The following ELAVL2 variants were observed in gnomAD, a reference collection of about 807,000 sequenced individuals.
ELAVL2 encodes the protein ELAV like RNA binding protein 2.
Under a neutral mutation model 34.6 loss-of-function variants are expected in ELAVL2, and 4 were observed. That is an observed-to-expected ratio of 0.12 (90% CI 0.06 to 0.26). The LOEUF is 0.26. ELAVL2 is among the 10% of genes least tolerant of loss of function. The probability of loss-of-function intolerance (pLI) is 1.00; values close to 1 mark genes in which losing one functional copy is unlikely to be tolerated. For missense variants in ELAVL2, 432 were observed against 442.8 expected (o/e 0.98, Z 0.22); for synonymous variants, 193 against 154.8 (o/e 1.25, Z -1.83).
At chr9:23,821,603 G>T (rs912241413) in intron 1 of ELAVL2, 1 of 152,516 alleles carries the variant, frequency 6.6e-6, no homozygotes, top group South Asian at 2.1e-4. Context: ...CCCAGCACTT[G>T]CCTGCTGTGA....
intron 1 of ELAVL2, among the ~76,000 whole-genome samples, chr9:23,762,794 G>A (rs2055338964): frequency 6.6e-6 from 1 of 152,104 alleles, no homozygotes; most frequent in African/African-American, 2.4e-5. Context: ...GTACTGTTTT[G>A]GTTACATATT....
At chr9:23,728,050 G>A (rs1022068331) in intron 3 of ELAVL2, among the ~76,000 whole-genome samples, 8 of 151,918 alleles carry the variant, frequency 5.3e-5, no homozygotes, top group African/African-American at 1.9e-4. Context: ...TTGATATAAC[G>A]ATCAGAAGAC....
intron 5 of ELAVL2, among the ~76,000 whole-genome samples, chr9:23,700,200 T>C (rs1340273333): frequency 6.6e-6 from 1 of 152,192 alleles, no homozygotes; most frequent in African/African-American, 2.4e-5. Context: ...TAAATAAAAT[T>C]GATATGCACT....
At chr9:23,822,003 C>T (rs1295410076) in intron 1 of ELAVL2, among the ~76,000 whole-genome samples, 1 of 151,672 alleles carries the variant, frequency 6.6e-6, no homozygotes, top group Non-Finnish European at 1.5e-5. Context: ...CAGCTCAGCT[C>T]CGTCCCTCCG....
upstream of ELAVL2, chr9:23,826,365 T>C (rs924727597): frequency 3.9e-5 from 6 of 152,388 alleles, no homozygotes; most frequent in African/African-American, 1.4e-4. Context: ...CGCGGAAGTA[T>C]ACGCCGAATC....
chr9:23,821,925 C>A (rs956506146), intron 1 of ELAVL2: 1 of 151,278 alleles, frequency 6.6e-6, no homozygotes, highest in Admixed American at 6.6e-5. Context: ...GCGCCGCGGC[C>A]GCCGCCGGCG....
intron 1 of ELAVL2, among the ~76,000 whole-genome samples, chr9:23,801,917 G>A (rs2061611208): frequency 6.6e-6 from 1 of 152,080 alleles, no homozygotes; most frequent in Non-Finnish European, 1.5e-5. Context: ...GATTGACAAT[G>A]GTGGTTTTAG....
At chr9:23,751,608 A>G (rs2052058775) in intron 2 of ELAVL2, among the ~76,000 whole-genome samples, 1 of 152,190 alleles carries the variant, frequency 6.6e-6, no homozygotes, top group Admixed American at 6.5e-5. Context: ...TATTTAGTAT[A>G]GTATTTACGT....
At chr9:23,846,671 A>G in the ELAVL2 span, among the ~76,000 whole-genome samples, 1 of 152,048 alleles carries the variant, frequency 6.6e-6, no homozygotes, top group African/African-American at 2.4e-5. Context: ...ATTCTCCATA[A>G]TTAATATCCC....
At chr9:23,816,026 A>G (rs115648746) in intron 1 of ELAVL2, among the ~76,000 whole-genome samples, 1,667 of 152,252 alleles carry the variant, frequency 0.011, 28 homozygotes, top group African/African-American at 0.039. Context: ...TCTAATTGCC[A>G]AAGTCCTATT....
intron 2 of ELAVL2, among the ~76,000 whole-genome samples, chr9:23,744,384 C>CTA (rs1182929462): frequency 6.6e-5 from 10 of 152,296 alleles, no homozygotes; most frequent in African/African-American, 1.9e-4. Flanking sequence ...ATTCAATAGC[C>CTA]TATGCTGTCA....
At chr9:23,776,923 C>T (rs2058297132) in intron 1 of ELAVL2, among the ~76,000 whole-genome samples, 1 of 152,044 alleles carries the variant, frequency 6.6e-6, no homozygotes, top group South Asian at 2.1e-4. Context: ...TTAAAGTGGA[C>T]TTCTGCCTCA....
chr9:23,730,322 T>A (rs2046229321), intron 3 of ELAVL2, among the ~76,000 whole-genome samples: 1 of 152,094 alleles, frequency 6.6e-6, no homozygotes, highest in Non-Finnish European at 1.5e-5. Context: ...CTGTACGTCT[T>A]AAAAAGAAAA....
At chr9:23,737,909 A>G (rs572555502) in intron 2 of ELAVL2, among the ~76,000 whole-genome samples, 2 of 152,318 alleles carry the variant, frequency 1.3e-5, no homozygotes, top group East Asian at 3.9e-4. Flanking sequence ...ATAAAACTGC[A>G]TGCCTTAACG....
intron 1 of ELAVL2, among the ~76,000 whole-genome samples, chr9:23,823,055 G>C (rs2065033297): frequency 6.6e-6 from 1 of 152,046 alleles, no homozygotes; most frequent in South Asian, 2.1e-4. Context: ...AAGCGAGATA[G>C]GCCATCCCTT....
rs574497281 is a variant in ELAVL2, at chr9:23,732,353, T to A, written c.230-1228A>T. ...CCAATATGAAAACTAGTGATTATATTTTGGGACCACAATCAGAATTTTGGA... is the reference window on the plus strand; with the variant it reads ...CCAATATGAAAACTAGTGATTATATATTGGGACCACAATCAGAATTTTGGA... On this transcript the variant is annotated intron_variant, in intron 2 of 6. Transcript: ENST00000397312. Among the ~76,000 whole-genome samples the A allele has an allele frequency of 7.8e-4, 119 of 152,288 alleles. 2 individuals carry two copies. The South Asian group carries it at 8.9e-3, about 11-fold the overall frequency.
chr9:23,788,016 A>T (rs184826769), intron 1 of ELAVL2, among the ~76,000 whole-genome samples: 6 of 152,300 alleles, frequency 3.9e-5, no homozygotes, highest in Admixed American at 3.9e-4. Flanking sequence ...GGCGCAAAAA[A>T]CCAGGTTGGA....
intron 2 of ELAVL2, among the ~76,000 whole-genome samples, chr9:23,745,119 A>T (rs2050186669): frequency 6.6e-6 from 1 of 152,022 alleles, no homozygotes; most frequent in African/African-American, 2.4e-5. Flanking sequence ...TGGGAAGATC[A>T]CTTGAGCTTG....
intron 1 of ELAVL2, among the ~76,000 whole-genome samples, chr9:23,818,650 C>G (rs1356161122): frequency 1.3e-5 from 2 of 152,174 alleles, no homozygotes; most frequent in Non-Finnish European, 2.9e-5. Context: ...CCAAACCAAG[C>G]TAAGTACCAC....
Sources: allele counts gnomAD v4.1 joint callset (sites outside exome capture counted in the v4.1 genomes callset), GRCh38; gene constraint gnomAD v4.1.1; transcripts MANE v1.5; gene names NCBI Gene and HGNC (gene_info 2026-07-23, HGNC 2026-07-21).